TNS4: variants seen among roughly 807,000 people sequenced by gnomAD.
The protein encoded by TNS4 is tensin 4.
In TNS4, 46 loss-of-function variants were observed where a neutral mutation model predicts 70.4. The observed-to-expected ratio is 0.65, with a 90% CI of 0.52 to 0.84. TNS4 has a LOEUF of 0.84. Ranked by LOEUF, TNS4 falls within the 40% of genes least tolerant of loss-of-function variation. The probability of loss-of-function intolerance (pLI) is 0.00; values close to 1 mark genes in which losing one functional copy is unlikely to be tolerated. For synonymous variants in TNS4, 390 were observed against 366.6 expected, an observed-to-expected ratio of 1.06 and a Z score of -0.73; for missense variants, 863 against 907.0, an observed-to-expected ratio of 0.95 and a Z score of 0.62.
In TNS4 at chr17:40,496,517, G is replaced by A. The variant is rs1262096867; in HGVS notation, c.-92C>T. 1.5e-6 allele frequency: 2 copies of A among 1,351,586 alleles called. No individual in the cohort carries two copies. Among genetic ancestry groups the A allele is most frequent in the East Asian group, 2.5e-5 (1 of 39,476 alleles). The allele number at this position is 1,351,586 out of a possible 1,614,324, so 83.7% of individuals were successfully genotyped here. On this transcript the variant is annotated 5_prime_UTR_variant, in exon 2 of 13. Coordinates refer to ENST00000254051, the MANE Select transcript of TNS4 (RefSeq NM_032865.6). ...CTCACTTGCTAACCAGGAGCTCCCAGGATCTGAAAGAGTCCAAGAGTGGGA... is the reference window on the plus strand; with the variant it reads ...CTCACTTGCTAACCAGGAGCTCCCAAGATCTGAAAGAGTCCAAGAGTGGGA...
chr17:40,487,310 G>A lies in TNS4; in HGVS notation c.1014C>T (p.Pro338=). ...TTCTGGGTTGGCCCATGGTTAGGGT[G>A]GGGTTTCTGGGAGCCTGGAAGTCAC... ...RPSDFQAPRN[P]TLTMGQPRTP... The change falls in exon 4 of 13, where the codon CCC becomes CCT. Residue 338 remains proline (P), a synonymous_variant. Coordinates refer to ENST00000254051, the MANE Select transcript of TNS4 (RefSeq NM_032865.6). The A allele has an allele frequency of 1.2e-6, 2 of 1,614,152 alleles. No homozygotes were observed. The highest frequency in any genetic ancestry group is 1.7e-6 in the Non-Finnish European group (2 of 1,180,028).
chr17:40,485,095 T>TA, intron 4 of TNS4, 88 bp from the exon 5 acceptor site: 1 of 1,143,190 alleles, frequency 8.7e-7, no homozygotes, highest in South Asian at 1.3e-5. Context: ...GACCCTTCCC[T>TA]ACTCTATTGC....
In TNS4 at chr17:40,482,391, T is replaced by C. The variant is rs1327761855; in HGVS notation, c.1527A>G (p.Arg509=). ...TGGCAGACGACTCGATGAGGAAGTGTCGGATGAGGTCATTGCTGTCCTCAC... is the reference window on the plus strand; with the variant it reads ...TGGCAGACGACTCGATGAGGAAGTGCCGGATGAGGTCATTGCTGTCCTCAC... ...RPGEDSNDLI[R]HFLIESSAKG... is the part of the protein sequence containing the mutation. The change falls in exon 7 of 13, where the codon CGA becomes CGG. Residue 509 remains arginine (R), a synonymous_variant. Transcript: ENST00000254051. 3 of 1,613,900 alleles carry C rather than the reference T, an allele frequency of 1.9e-6. No individual in the cohort carries two copies. The highest frequency in any genetic ancestry group is 2.5e-6 in the Non-Finnish European group (3 of 1,180,022).
intron 2 of TNS4, among the ~76,000 whole-genome samples, chr17:40,491,710 TG>T (rs553667292): frequency 1.1e-3 from 163 of 142,770 alleles, no homozygotes; most frequent in African/African-American, 4.0e-3. Context: ...TGGGTGTGGC[TG>T]GGGGGTGGGG....
rs555921501 is a variant in TNS4 at position 40,477,311 on chromosome 17, T to C, written c.*277A>G. The C allele has an allele frequency of 1.6e-3, 668 of 412,976 alleles. 3 individuals are homozygous for C. The highest frequency in any genetic ancestry group is 0.013 in the African/African-American group (624 of 49,446). 25.6% of individuals were successfully genotyped at this position (412,976 alleles called of 1,614,324 possible). A position where few individuals can be genotyped will look rare whatever the true frequency, so the allele number is the denominator to read the frequency against. ...CAGAGGTGTGCATGCTTCAGAATCA[T>C]GGAGGAGCATGTTCAAATGCCCACC... On this transcript the variant is annotated 3_prime_UTR_variant, in exon 13 of 13. Coordinates refer to ENST00000254051, the MANE Select transcript of TNS4 (RefSeq NM_032865.6).
intron 2 of TNS4, among the ~76,000 whole-genome samples, chr17:40,493,414 A>G (rs1003976329): frequency 2.6e-5 from 4 of 152,176 alleles, no homozygotes; most frequent in Non-Finnish European, 5.9e-5. Context: ...GTACACTGCT[A>G]TAGGCCAGTG....
intron 3 of TNS4, among the ~76,000 whole-genome samples, chr17:40,488,058 C>T (rs1347798165): frequency 6.6e-6 from 1 of 152,186 alleles, no homozygotes; most frequent in African/African-American, 2.4e-5. Context: ...AGAATGGGTG[C>T]GCATGTGCCT....
rs1268200199 is a variant in TNS4, at chr17:40,480,785, A to G, written c.1673-17T>C. ...CTCCCAGTTCTGAGCCAAGGCAAAG[A>G]AACAGGCCCCCCAAAGGGGCGGGGG... On this transcript the variant is annotated splice_polypyrimidine_tract_variant and intron_variant, in intron 8 of 12. Transcript: ENST00000254051. 2 of 1,599,516 alleles carry G rather than the reference A, an allele frequency of 1.3e-6. No individual in the cohort carries two copies. The highest frequency in any genetic ancestry group is 1.1e-5 in the South Asian group (1 of 88,710).
chr17:40,478,373 C>A, intron 11 of TNS4, 40 bp from the exon 12 acceptor site: 2 of 1,606,862 alleles, frequency 1.2e-6, no homozygotes, highest in South Asian at 1.1e-5. Context: ...TGAGGCTTCG[C>A]TCCATGCCAC....
chr17:40,492,807 T>G lies in TNS4; in HGVS notation c.439+3180A>C, dbSNP rs2036092062. The stretch of plus-strand genomic sequence containing the variant: ...ATCCCAGCACTTTGGGAGGCCAAGG[T>G]GGGCGAATCACCGAGGTGGACGAGG... On this transcript the variant is annotated intron_variant, in intron 2 of 12. Transcript: ENST00000254051. Among the ~76,000 whole-genome samples the G allele has an allele frequency of 2.0e-5, 3 of 151,914 alleles. No homozygotes were observed. The South Asian group carries it at 6.3e-4, about 32-fold the overall frequency.
intron 2 of TNS4, among the ~76,000 whole-genome samples, chr17:40,491,685 G>A (rs1268518268): frequency 7.2e-5 from 11 of 151,946 alleles, no homozygotes; most frequent in Non-Finnish European, 2.9e-5. Context: ...GAGGAGCCCC[G>A]TGCTCACCTC....
At chr17:40,497,143 G>A (rs2036156302) in intron 1 of TNS4, among the ~76,000 whole-genome samples, 1 of 152,180 alleles carries the variant, frequency 6.6e-6, no homozygotes, top group Non-Finnish European at 1.5e-5. Context: ...ACAACTGTAA[G>A]CAGTGTCACG....
intron 1 of TNS4, among the ~76,000 whole-genome samples, chr17:40,498,224 G>A (rs1179351126): frequency 6.6e-6 from 1 of 152,144 alleles, no homozygotes; most frequent in Non-Finnish European, 1.5e-5. Context: ...AAGAGAAAGT[G>A]GACTCTGGGA....
rs372463206 is a variant in TNS4, at chr17:40,487,336, T to A, written c.988A>T (p.Ser330Cys). 6.8e-6 allele frequency: 11 copies of A among 1,614,042 alleles called. No individual in the cohort carries two copies. Among genetic ancestry groups the A allele is most frequent in the Non-Finnish European group, 9.3e-6 (11 of 1,180,036 alleles). ...GGGTTTCTGGGAGCCTGGAAGTCAC[T>A]GGGTCTTGTACACAGGGACACTGAG... ...LGSVSLCTRP[S>C]DFQAPRNPTL... Residue 330 changes from serine (S) to cysteine (C), a missense_variant, in exon 4 of 13, where the codon AGT (serine) becomes TGT (cysteine). Coordinates refer to ENST00000254051, the MANE Select transcript of TNS4 (RefSeq NM_032865.6).
chr17:40,488,808 G>A lies in TNS4; in HGVS notation c.601C>T (p.Leu201Phe), dbSNP rs1391233886. Residue 201 changes from leucine to phenylalanine, a missense_variant, in exon 3 of 13, where the codon CTC becomes TTC. Transcript: ENST00000254051. ...CTGCCCTGGTTCCCAGAGAAGATGAGGCTCTCACTGCTGCTTCGTGTCTCT... is the reference window on the plus strand; with the variant it reads ...CTGCCCTGGTTCCCAGAGAAGATGAAGCTCTCACTGCTGCTTCGTGTCTCT... ...PRETRSSSES[L>F]IFSGNQGRGH... is the part of the protein sequence containing the mutation. 6.2e-7 allele frequency: 1 copy of A among 1,613,450 alleles called. No homozygotes were observed. Among genetic ancestry groups the A allele is most frequent in the Non-Finnish European group, 8.5e-7 (1 of 1,179,876 alleles).
At position 40,496,582 on chromosome 17, in the gene TNS4, C is replaced by A. The variant is rs556237659; in HGVS notation, c.-95-62G>T. The A allele has an allele frequency of 5.5e-6, 4 of 728,910 alleles. No individual in the cohort carries two copies. The East Asian group carries it at 1.2e-4, about 22-fold the overall frequency. 45.2% of individuals were successfully genotyped at this position (728,910 alleles called of 1,614,324 possible). On this transcript the variant is annotated intron_variant, in intron 1 of 12. Transcript: ENST00000254051. ...GTAGGTGAAGCCCCTGCCTCCCACC[C>A]TCCGTACAAAGGCTAAGTTATTCAT...
chr17:40,488,767 A>G lies in TNS4; in HGVS notation c.642T>C (p.Pro214=), dbSNP rs534426569. 4.9e-5 allele frequency: 78 copies of G among 1,606,754 alleles called. 1 individual carries two copies. In the Admixed American group the frequency reaches 1.3e-3, roughly 27 times the overall value. ...GGGAGAGACCCTCTGAGGGGGGCAG[A>G]GGGCGCTGGTGCCCCCTGCCCTGGT... ...SGNQGRGHQR[P]LPPSEGLSPR... The change falls in exon 3 of 13, where the codon CCT becomes CCC. Residue 214 remains proline, a synonymous_variant. Coordinates refer to ENST00000254051, the MANE Select transcript of TNS4 (RefSeq NM_032865.6).
At chr17:40,482,272 A>G in intron 7 of TNS4, 52 bp downstream of exon 7, 2 of 1,613,966 alleles carry the variant, frequency 1.2e-6, no homozygotes, top group South Asian at 1.1e-5. Context: ...CTCACAACGG[A>G]GACTTCGCTG....
At chr17:40,489,031 G>A in intron 2 of TNS4, 62 bp from the exon 3 acceptor site, 1 of 1,442,814 alleles carries the variant, frequency 6.9e-7, no homozygotes, top group Non-Finnish European at 9.2e-7. Flanking sequence ...AGAACAGAGA[G>A]GCTGGAAGTA....
Sources: allele counts gnomAD v4.1 joint callset (sites outside exome capture counted in the v4.1 genomes callset), GRCh38; gene constraint gnomAD v4.1.1; transcripts MANE v1.5; gene names NCBI Gene and HGNC (gene_info 2026-07-23, HGNC 2026-07-21).